The following TGFA variants were observed in gnomAD, a reference collection of about 807,000 sequenced individuals.
The protein encoded by TGFA is transforming growth factor alpha.
Under a neutral mutation model 21.7 loss-of-function variants are expected in TGFA, and 12 were observed. The ratio of observed to expected loss-of-function variants is 0.55; its 90% CI spans 0.35 to 0.90. TGFA has a LOEUF of 0.90. TGFA is among the 40% of genes least tolerant of loss of function. The pLI, the probability that TGFA is intolerant of heterozygous loss-of-function variation, is 0.01. For missense variants in TGFA, 178 were observed against 210.8 expected, an observed-to-expected ratio of 0.84 and a Z score of 0.96; for synonymous variants, 79 against 88.1, an observed-to-expected ratio of 0.90 and a Z score of 0.58.
chr2:70,504,443 T>TATATATATATATATACATAC, intron 2 of TGFA, among the ~76,000 whole-genome samples: 1 of 66,740 alleles, frequency 1.5e-5, no homozygotes, highest in South Asian at 3.7e-4. Flanking sequence ...AATATATATA[T>TATATATATATATATACATAC]ATATATATAT....
intron 1 of TGFA, among the ~76,000 whole-genome samples, chr2:70,550,006 C>T (rs529401303): frequency 6.6e-6 from 1 of 152,240 alleles, no homozygotes; most frequent in Non-Finnish European, 1.5e-5. Flanking sequence ...CCTCCACTGT[C>T]TACTCTGAAA....
rs782371933 is a variant in TGFA at position 70,465,774 on chromosome 2, C to G, written c.95-38G>C. The G allele has an allele frequency of 4.3e-6, 7 of 1,610,610 alleles. No homozygotes were observed. The Admixed American group carries it at 1.0e-4, about 23-fold the overall frequency. On this transcript the variant is annotated intron_variant, in intron 2 of 5. Coordinates refer to ENST00000295400, the MANE Select transcript of TGFA (RefSeq NM_003236.4). ...AAGATGCAGGGCTCAGATCCAGGAA[C>G]AGCTGACATGCAAACCCCACACCTC...
chr2:70,464,388 G>A (rs564052211), intron 3 of TGFA, among the ~76,000 whole-genome samples: 64 of 152,344 alleles, frequency 4.2e-4, no homozygotes, highest in African/African-American at 1.5e-3. Flanking sequence ...TGATTAGTAT[G>A]AAACTGCCAA....
At chr2:70,528,920 T>G (rs1672723439) in intron 1 of TGFA, among the ~76,000 whole-genome samples, 1 of 152,162 alleles carries the variant, frequency 6.6e-6, no homozygotes, top group African/African-American at 2.4e-5. Flanking sequence ...CCCTGTTCCT[T>G]CTTACACTTC....
At chr2:70,535,117 T>C (rs990475623) in intron 1 of TGFA, among the ~76,000 whole-genome samples, 5 of 152,150 alleles carry the variant, frequency 3.3e-5, no homozygotes, top group Non-Finnish European at 1.5e-5. Context: ...TTGTACAATA[T>C]GTAAGGTACT....
At chr2:70,511,362 A>G (rs1672094865) in intron 2 of TGFA, among the ~76,000 whole-genome samples, 1 of 152,182 alleles carries the variant, frequency 6.6e-6, no homozygotes, top group South Asian at 2.1e-4. Flanking sequence ...TGATTCTGGG[A>G]TTGAGTAAAG....
chr2:70,545,308 G>A (rs1405583264), intron 1 of TGFA, among the ~76,000 whole-genome samples: 2 of 152,196 alleles, frequency 1.3e-5, no homozygotes, highest in African/African-American at 4.8e-5. Flanking sequence ...AAAGCATATT[G>A]TGTCTCATTT....
At chr2:70,519,330 C>G (rs1256001440) in intron 1 of TGFA, among the ~76,000 whole-genome samples, 3 of 152,138 alleles carry the variant, frequency 2.0e-5, no homozygotes, top group African/African-American at 7.2e-5. Flanking sequence ...GAACCCAGGG[C>G]CAGATAGTAT....
chr2:70,513,167 A>G (rs1672158795), intron 2 of TGFA, among the ~76,000 whole-genome samples: 1 of 152,206 alleles, frequency 6.6e-6, no homozygotes, highest in Non-Finnish European at 1.5e-5. Flanking sequence ...CAACTGGCCC[A>G]GTGTCCAGGT....
At chr2:70,523,892 C>T (rs1672553063) in intron 1 of TGFA, among the ~76,000 whole-genome samples, 1 of 152,154 alleles carries the variant, frequency 6.6e-6, no homozygotes, top group Admixed American at 6.5e-5. Flanking sequence ...GTTACATAAC[C>T]CTTTGCAGCT....
In TGFA at chr2:70,448,695, A is replaced by G. The variant is rs1439265111; in HGVS notation, c.*2164T>C. 6.6e-6 allele frequency: 1 copy of G among 152,172 alleles called. No homozygotes were observed. The highest frequency in any genetic ancestry group is 1.5e-5 in the Non-Finnish European group (1 of 68,040). 9.4% of individuals were successfully genotyped at this position (152,172 alleles called of 1,614,324 possible). The stretch of plus-strand genomic sequence containing the variant: ...TGCATTGATGCAGCCTCTTTTTCAG[A>G]CCTGCTGGTTTCCAAAGGACTGACT... On this transcript the variant is annotated 3_prime_UTR_variant, in exon 6 of 6. Coordinates refer to ENST00000295400, the MANE Select transcript of TGFA (RefSeq NM_003236.4).
At chr2:70,478,489 C>T (rs960166075) in intron 2 of TGFA, among the ~76,000 whole-genome samples, 10 of 128,368 alleles carry the variant, frequency 7.8e-5, no homozygotes, top group Non-Finnish European at 1.5e-4. Context: ...AATCTTAAAT[C>T]GATACCACTG....
intron 2 of TGFA, among the ~76,000 whole-genome samples, chr2:70,499,517 C>T (rs782668552): frequency 2.8e-4 from 42 of 152,182 alleles, no homozygotes; most frequent in Non-Finnish European, 5.3e-4. Context: ...TGGAGTAAAT[C>T]TTAATTTTTA....
chr2:70,474,259 C>T (rs945619629), intron 2 of TGFA, among the ~76,000 whole-genome samples: 6 of 152,196 alleles, frequency 3.9e-5, no homozygotes, highest in Non-Finnish European at 8.8e-5. Context: ...CTTAGATAAC[C>T]TTGTCAATGG....
At chr2:70,476,103 A>T (rs1364012454) in intron 2 of TGFA, among the ~76,000 whole-genome samples, 7 of 150,770 alleles carry the variant, frequency 4.6e-5, no homozygotes, top group African/African-American at 1.7e-4. Flanking sequence ...AAAAAAAAAA[A>T]AAAATTAAGA....
intron 3 of TGFA, chr2:70,461,707 T>C (rs1670410212): frequency 6.6e-6 from 1 of 152,194 alleles, no homozygotes; most frequent in Non-Finnish European, 1.5e-5. Context: ...GGAATCTGCC[T>C]CGGGGAAAAA....
intron 2 of TGFA, among the ~76,000 whole-genome samples, chr2:70,495,642 A>G (rs1671551536): frequency 6.6e-6 from 1 of 152,168 alleles, no homozygotes; most frequent in South Asian, 2.1e-4. Flanking sequence ...TCTATAGTCT[A>G]TATTTTACAA....
At chr2:70,538,988 G>A (rs1273760544) in intron 1 of TGFA, among the ~76,000 whole-genome samples, 2 of 152,168 alleles carry the variant, frequency 1.3e-5, no homozygotes, top group Admixed American at 6.5e-5. Flanking sequence ...CTAACCTTCA[G>A]CAACCACAAC....
intron 2 of TGFA, among the ~76,000 whole-genome samples, chr2:70,501,517 G>A (rs1369178032): frequency 6.6e-6 from 1 of 152,116 alleles, no homozygotes; most frequent in Admixed American, 6.5e-5. Context: ...AAACAAGAAA[G>A]AGAGAAAGTC....
Sources: allele counts gnomAD v4.1 joint callset (sites outside exome capture counted in the v4.1 genomes callset), GRCh38; gene constraint gnomAD v4.1.1; transcripts MANE v1.5; gene names NCBI Gene and HGNC (gene_info 2026-07-23, HGNC 2026-07-21).